Variants in PSME4 observed in about 807,000 individuals in gnomAD.
PSME4 encodes the protein proteasome activator complex subunit 4.
Under a neutral mutation model 253.9 loss-of-function variants are expected in PSME4, and 89 were observed. The ratio of observed to expected loss-of-function variants is 0.35; its 90% CI spans 0.30 to 0.42. The LOEUF is 0.42. Ranked by LOEUF, PSME4 falls within the 10% of genes least tolerant of loss-of-function variation. PSME4 has a pLI of 1.00. For missense variants in PSME4, 2,014 were observed against 2,195.2 expected, an observed-to-expected ratio of 0.92 and a Z score of 1.65; for synonymous variants, 851 against 759.2, an observed-to-expected ratio of 1.12 and a Z score of -1.99.
intron 39 of PSME4, 55 bp downstream of exon 39, chr2:53,887,802 TA>T (rs541569401): frequency 2.1e-4 from 306 of 1,434,626 alleles, no homozygotes; most frequent in Non-Finnish European, 2.6e-4. Context: ...TATTACAATT[TA>T]AAAAAAAACA....
Position 53,920,949 on chromosome 2 carries a change from T to G in PSME4, c.2202A>C (p.Thr734=). Residue 734 remains threonine (T), a synonymous_variant, in exon 18 of 47, where the codon ACA becomes ACC. Transcript: ENST00000404125. The part of the protein sequence containing the change: ...LLRSTTLIYP[T]EYCSVPGGFD... ...AGCCACCTGGCACACTGCAGTATTC[T>G]GTAGGGTAGATAAGTGTGGTAGAAC... 1 of 1,614,056 alleles carries G rather than the reference T, an allele frequency of 6.2e-7. No homozygotes were observed. The highest frequency in any genetic ancestry group is 8.5e-7 in the Non-Finnish European group (1 of 1,179,936).
chr2:53,928,533 C>T (rs569382019), intron 10 of PSME4, among the ~76,000 whole-genome samples: 2 of 152,096 alleles, frequency 1.3e-5, no homozygotes, highest in Admixed American at 1.3e-4. Flanking sequence ...GTCCTGAGAA[C>T]GAGAGACCAT....
intron 10 of PSME4, 28 bp downstream of exon 10, chr2:53,931,807 G>A (rs1204804501): frequency 8.1e-6 from 13 of 1,608,708 alleles, no homozygotes; most frequent in Non-Finnish European, 1.1e-5. Context: ...AAACCTAGCT[G>A]TGGCTGAGAC....
rs759055932 is a variant in PSME4, at chr2:53,904,009, G to GA, written c.3075+15dup. The GA allele has an allele frequency of 5.7e-6, 9 of 1,580,188 alleles. No homozygotes were observed. The highest frequency in any genetic ancestry group is 1.4e-5 in the African/African-American group (1 of 73,438). ...TTTGAAAATGTTTACAGTAAAATAG[G>GA]AAAAAAACCCTATACCTTGAATTGT... On this transcript the variant is annotated intron_variant, in intron 27 of 46. Transcript: ENST00000404125.
Position 53,915,572 on chromosome 2 carries a change from T to C in PSME4, c.2516+3579A>G, listed in dbSNP as rs547460927. On this transcript the variant is annotated intron_variant, in intron 20 of 46. Transcript: ENST00000404125. Reference sequence around the variant, plus strand: ...AGACCTTGTCTCTCTATATTTTTTTTAAAGTAGAAGAAAAAAAAAAGAAGT... The same window carrying C: ...AGACCTTGTCTCTCTATATTTTTTTCAAAGTAGAAGAAAAAAAAAAGAAGT... 3.0e-3 allele frequency among the ~76,000 whole-genome samples: 459 copies of C among 151,964 alleles called. 2 individuals are homozygous for C. The highest frequency in any genetic ancestry group is 0.011 in the African/African-American group (441 of 41,432).
At chr2:53,918,286 T>C (rs1668146711) in intron 20 of PSME4, among the ~76,000 whole-genome samples, 1 of 152,224 alleles carries the variant, frequency 6.6e-6, no homozygotes, top group Non-Finnish European at 1.5e-5. Context: ...CTTAGTATAT[T>C]TAAATTATTA....
intron 1 of PSME4, among the ~76,000 whole-genome samples, chr2:53,962,059 C>T (rs557487670): frequency 6.6e-6 from 1 of 152,086 alleles, no homozygotes; most frequent in East Asian, 1.9e-4. Flanking sequence ...CAGGCTATGA[C>T]CTAATGCTTG....
At chr2:53,907,425 A>G (rs563294869) in intron 24 of PSME4, among the ~76,000 whole-genome samples, 22 of 152,264 alleles carry the variant, frequency 1.4e-4, no homozygotes, top group Non-Finnish European at 2.6e-4. Context: ...TACCATTTTC[A>G]AAACATGTTA....
At chr2:53,952,255 A>G (rs191766702) in intron 1 of PSME4, among the ~76,000 whole-genome samples, 1 of 151,824 alleles carries the variant, frequency 6.6e-6, no homozygotes, top group East Asian at 1.9e-4. Context: ...CCTGGCCAAT[A>G]TGGTGAAACT....
chr2:53,898,099 T>C, intron 30 of PSME4, 100 bp from the exon 31 acceptor site: 2 of 1,395,904 alleles, frequency 1.4e-6, no homozygotes, highest in Non-Finnish European at 2.0e-6. Flanking sequence ...TTCTCAAGAA[T>C]TAAAATAGGT....
intron 24 of PSME4, 95 bp from the exon 25 acceptor site, chr2:53,906,963 T>C: frequency 9.1e-7 from 1 of 1,104,776 alleles, no homozygotes; most frequent in East Asian, 2.4e-5. Context: ...GTCAAAAAGG[T>C]CCCTGGTTGA....
In PSME4 at chr2:53,865,348, CA is replaced by C. The variant is rs56006630; in HGVS notation, c.*229del. 43,646 of 146,876 alleles carry C rather than the reference CA, an allele frequency of 0.3. 6,572 individuals carry two copies. The highest frequency in any genetic ancestry group is 0.47 in the South Asian group (2,175 of 4,668). The allele number at this position is 146,876 out of a possible 1,614,324, so 9.1% of individuals were successfully genotyped here. On this transcript the variant is annotated 3_prime_UTR_variant, in exon 47 of 47. Coordinates refer to ENST00000404125, the MANE Select transcript of PSME4 (RefSeq NM_014614.3). ...GACTTTGTGACTTTGTCAGATGCCT[CA>C]AAAAAAAAAAGTGATCAGTATTCTG... is the stretch of plus-strand genomic sequence containing the variant.
Position 53,909,998 on chromosome 2 carries a change from C to T in PSME4, c.2572+77G>A, listed in dbSNP as rs907792446. 16 of 1,189,750 alleles carry T rather than the reference C, an allele frequency of 1.3e-5. No individual in the cohort carries two copies. The African/African-American group carries it at 2.1e-4, about 16-fold the overall frequency. 73.7% of individuals were successfully genotyped at this position (1,189,750 alleles called of 1,614,324 possible). On this transcript the variant is annotated intron_variant, in intron 21 of 46. Transcript: ENST00000404125. ...ACAAAACAAAACAAAAACACTACTT[C>T]ATACTTCATTTTAGTCCTTGTGGAG...
intron 1 of PSME4, among the ~76,000 whole-genome samples, chr2:53,959,090 G>A (rs1462902603): frequency 6.6e-6 from 1 of 152,214 alleles, no homozygotes; most frequent in Non-Finnish European, 1.5e-5. Flanking sequence ...GCCAGGGCAG[G>A]TGGACTGCTT....
chr2:53,942,214 G>A (rs1464736804), intron 3 of PSME4: 2 of 152,472 alleles, frequency 1.3e-5, no homozygotes, highest in African/African-American at 4.8e-5. Flanking sequence ...AAGATGAAGG[G>A]AACAATGTTT....
chr2:53,918,264 GA>G (rs1339264645), intron 20 of PSME4, among the ~76,000 whole-genome samples: 13 of 151,914 alleles, frequency 8.6e-5, no homozygotes, highest in Admixed American at 8.5e-4. Context: ...TATTGATGTT[GA>G]AAAAAATGGT....
At chr2:53,931,111 C>G (rs745994414) in intron 10 of PSME4, among the ~76,000 whole-genome samples, 2 of 152,170 alleles carry the variant, frequency 1.3e-5, no homozygotes, top group Non-Finnish European at 2.9e-5. Context: ...AACGCCGTCT[C>G]TACTAAAAAT....
chr2:53,882,289 T>C (rs1248148044), intron 41 of PSME4, among the ~76,000 whole-genome samples: 3 of 152,228 alleles, frequency 2.0e-5, no homozygotes, highest in Non-Finnish European at 4.4e-5. Context: ...GTTTACCATG[T>C]GCCTGATGCT....
chr2:53,947,219 G>C (rs1341629130), intron 3 of PSME4, among the ~76,000 whole-genome samples: 1 of 152,062 alleles, frequency 6.6e-6, no homozygotes, highest in Non-Finnish European at 1.5e-5. Context: ...AAATTCTATG[G>C]TAAGGGACAA....
Sources: allele counts gnomAD v4.1 joint callset (sites outside exome capture counted in the v4.1 genomes callset), GRCh38; gene constraint gnomAD v4.1.1; transcripts MANE v1.5; gene names NCBI Gene and HGNC (gene_info 2026-07-23, HGNC 2026-07-21).